The following SORCS2 variants were observed in gnomAD, a reference collection of about 807,000 sequenced individuals.
The protein encoded by SORCS2 is VPS10 domain-containing receptor SorCS2.
In SORCS2, 100 loss-of-function variants were observed where a neutral mutation model predicts 141.6. The ratio of observed to expected loss-of-function variants is 0.71; its 90% CI spans 0.60 to 0.83. The LOEUF (loss-of-function observed/expected upper bound fraction) is 0.83. Ranked by LOEUF, SORCS2 falls within the 40% of genes least tolerant of loss-of-function variation. SORCS2 has a pLI of 0.00. For synonymous variants in SORCS2, 789 were observed against 676.9 expected, an observed-to-expected ratio of 1.17 and a Z score of -2.57; for missense variants, 1,646 against 1,560.2, an observed-to-expected ratio of 1.05 and a Z score of -0.93.
intron 2 of SORCS2, among the ~76,000 whole-genome samples, chr4:7,515,521 G>A (rs1241936643): frequency 6.6e-6 from 1 of 152,210 alleles, no homozygotes; most frequent in South Asian, 2.1e-4. Flanking sequence ...GCGGGCAGCC[G>A]GATGGAGGAG....
At chr4:7,661,626 G>A (rs961412681) in intron 6 of SORCS2, 62 bp downstream of exon 6, 17 of 1,468,584 alleles carry the variant, frequency 1.2e-5, no homozygotes, top group African/African-American at 7.0e-5. Context: ...GACACAGCTC[G>A]GCTGCACGTG....
At position 7,396,364 on chromosome 4, in the gene SORCS2, G is replaced by A; in HGVS notation, c.548+9G>A. 1 of 1,613,768 alleles carries A rather than the reference G, an allele frequency of 6.2e-7. No homozygotes were observed. Among genetic ancestry groups the A allele is most frequent in the Non-Finnish European group, 8.5e-7 (1 of 1,179,794 alleles). On this transcript the variant is annotated intron_variant, in intron 2 of 26. Transcript: ENST00000507866. ...GAAAGTTCTCTGTGGCGGTAAGTCA[G>A]CCCGATGGCAGGCCTTTCTCTTATG...
intron 5 of SORCS2, 106 bp downstream of exon 5, chr4:7,654,313 G>C: frequency 1.7e-6 from 2 of 1,179,294 alleles, no homozygotes; most frequent in Non-Finnish European, 2.4e-6. Flanking sequence ...TCCTCCTCTG[G>C]ACCCTCCCCA....
intron 4 of SORCS2, among the ~76,000 whole-genome samples, chr4:7,645,962 C>T (rs887318850): frequency 2.2e-4 from 34 of 152,216 alleles, no homozygotes; most frequent in Non-Finnish European, 4.3e-4. Flanking sequence ...ACAGCCCACC[C>T]GGCTGAAAAT....
At chr4:7,724,935 G>T (rs1298093895) in intron 19 of SORCS2, among the ~76,000 whole-genome samples, 1 of 59,426 alleles carries the variant, frequency 1.7e-5, no homozygotes, top group African/African-American at 8.5e-5. Context: ...GGTGGTAGTA[G>T]TGGTGATGGT....
intron 2 of SORCS2, among the ~76,000 whole-genome samples, chr4:7,467,537 C>T (rs1051223623): frequency 6.6e-6 from 1 of 152,226 alleles, no homozygotes; most frequent in Non-Finnish European, 1.5e-5. Context: ...GCTGGAGCCA[C>T]CCAGCTCCTG....
At chr4:7,263,362 A>G (rs1018169761) in intron 1 of SORCS2, among the ~76,000 whole-genome samples, 1 of 152,196 alleles carries the variant, frequency 6.6e-6, no homozygotes, top group African/African-American at 2.4e-5. Flanking sequence ...GAAAAAGCCC[A>G]GCCTGGAGGA....
In SORCS2 at chr4:7,551,752, C is replaced by T. The variant is rs1479718884; in HGVS notation, c.648+20123C>T. On this transcript the variant is annotated intron_variant, in intron 3 of 26. Transcript: ENST00000507866. ...ATTCAGCATCGAACTCCAGGCAGCA[C>T]GCGAGCCAAGCTCTTTATCAGATGA... Among the ~76,000 whole-genome samples, 4 of 152,298 alleles carry T rather than the reference C, an allele frequency of 2.6e-5. No homozygotes were observed. In the East Asian group the frequency reaches 5.8e-4, roughly 22 times the overall value.
At chr4:7,354,755 G>A (rs2109012576) in intron 1 of SORCS2, among the ~76,000 whole-genome samples, 1 of 152,290 alleles carries the variant, frequency 6.6e-6, no homozygotes, top group East Asian at 1.9e-4. Context: ...GAAACTGGGG[G>A]CCTGGTCCCC....
chr4:7,216,505 C>G (rs1001011393), intron 1 of SORCS2, among the ~76,000 whole-genome samples: 2 of 152,192 alleles, frequency 1.3e-5, no homozygotes, highest in African/African-American at 4.8e-5. Context: ...GTGGTGTGGG[C>G]TAAGGTCAAG....
chr4:7,255,772 C>A (rs999457185), intron 1 of SORCS2, among the ~76,000 whole-genome samples: 5 of 152,130 alleles, frequency 3.3e-5, no homozygotes, highest in Non-Finnish European at 5.9e-5. Context: ...CCAGGGCATG[C>A]CCTGGGCAGA....
At chr4:7,468,484 T>C (rs1729755640) in intron 2 of SORCS2, among the ~76,000 whole-genome samples, 1 of 152,198 alleles carries the variant, frequency 6.6e-6, no homozygotes, top group African/African-American at 2.4e-5. Flanking sequence ...GTGCATAGCG[T>C]CGAGGATGGG....
intron 1 of SORCS2, among the ~76,000 whole-genome samples, chr4:7,349,676 C>A (rs1720830429): frequency 6.6e-6 from 1 of 152,216 alleles, no homozygotes; most frequent in Admixed American, 6.5e-5. Flanking sequence ...GAGGCTCACC[C>A]AGTGGGTGGC....
intron 12 of SORCS2, among the ~76,000 whole-genome samples, chr4:7,702,447 C>A (rs111887501): frequency 2.0e-5 from 3 of 152,214 alleles, no homozygotes; most frequent in African/African-American, 7.2e-5. Flanking sequence ...AGCTGTGAGG[C>A]CTTAGCATAC....
At chr4:7,310,903 C>T (rs141696173) in intron 1 of SORCS2, among the ~76,000 whole-genome samples, 1,683 of 152,296 alleles carry the variant, frequency 0.011, 33 homozygotes, top group South Asian at 0.02. Flanking sequence ...CAGCTTTCTG[C>T]AGGGTTTCAA....
intron 3 of SORCS2, among the ~76,000 whole-genome samples, chr4:7,598,099 G>C (rs976743791): frequency 6.6e-6 from 1 of 151,652 alleles, no homozygotes; most frequent in Non-Finnish European, 1.5e-5. Context: ...CTTCTGAGTA[G>C]TTGGGATTAC....
At chr4:7,312,447 A>G (rs931754697) in intron 1 of SORCS2, among the ~76,000 whole-genome samples, 24 of 151,512 alleles carry the variant, frequency 1.6e-4, no homozygotes, top group Admixed American at 1.6e-3. Context: ...GCCTCTGCCC[A>G]TTTCTCCCTT....
intron 1 of SORCS2, among the ~76,000 whole-genome samples, chr4:7,305,071 T>C (rs1717696790): frequency 6.6e-6 from 1 of 151,852 alleles, no homozygotes. Context: ...CTGGCTCTTT[T>C]GCCCAGGCTG....
chr4:7,253,172 G>A (rs949348243), intron 1 of SORCS2, among the ~76,000 whole-genome samples: 19 of 152,242 alleles, frequency 1.2e-4, no homozygotes, highest in African/African-American at 3.4e-4. Context: ...CTGAGCAGCC[G>A]GGCTAAGGAT....
Sources: allele counts gnomAD v4.1 joint callset (sites outside exome capture counted in the v4.1 genomes callset), GRCh38; gene constraint gnomAD v4.1.1; transcripts MANE v1.5; gene names NCBI Gene and HGNC (gene_info 2026-07-23, HGNC 2026-07-21).